The following DNAH3 variants were observed in gnomAD, a reference collection of about 807,000 sequenced individuals.
DNAH3 encodes the protein axonemal beta dynein heavy chain 3.
DNAH3 carries 332 observed loss-of-function variants against 432.5 expected under a neutral mutation model. The observed-to-expected ratio is 0.77, with a 90% CI of 0.70 to 0.84. The LOEUF (loss-of-function observed/expected upper bound fraction) is 0.84. DNAH3 is among the 40% of genes least tolerant of loss of function. The pLI, the probability that DNAH3 is intolerant of heterozygous loss-of-function variation, is 0.00. For synonymous variants in DNAH3, 1,956 were observed against 1,900.2 expected (o/e 1.03, Z -0.76); for missense variants, 4,861 against 5,114.0 (o/e 0.95, Z 1.51).
chr16:21,096,188 T>C (rs2091674269), intron 18 of DNAH3, among the ~76,000 whole-genome samples: 1 of 151,432 alleles, frequency 6.6e-6, no homozygotes, highest in Admixed American at 6.6e-5. Context: ...AGTTGGGGTG[T>C]AGTAAGCAGA....
chr16:20,988,594 C>T (rs566887777), intron 44 of DNAH3, among the ~76,000 whole-genome samples: 4 of 152,108 alleles, frequency 2.6e-5, no homozygotes, highest in Admixed American at 6.6e-5. Flanking sequence ...CATGAGACAC[C>T]GCGCCCAGCC....
intron 39 of DNAH3, among the ~76,000 whole-genome samples, chr16:21,022,443 T>C (rs1253940072): frequency 6.6e-6 from 1 of 152,178 alleles, no homozygotes; most frequent in Non-Finnish European, 1.5e-5. Context: ...CTATAAAAAG[T>C]ATTAGGAATT....
chr16:21,139,632 A>G (rs1346163119), intron 5 of DNAH3, among the ~76,000 whole-genome samples: 1 of 151,656 alleles, frequency 6.6e-6, no homozygotes, highest in Non-Finnish European at 1.5e-5. Flanking sequence ...GCATGGTACC[A>G]TACCCAGCTA....
chr16:20,960,782 ACTGGTCTGGAGC>A (rs1299719461), intron 53 of DNAH3, among the ~76,000 whole-genome samples: 1 of 152,230 alleles, frequency 6.6e-6, no homozygotes, highest in Admixed American at 6.5e-5. Flanking sequence ...GAAGCTCATA[ACTGGTCTGGAGC>A]CTGGATGGAA....
At chr16:21,009,938 G>GAGGGA (rs2087506726) in intron 41 of DNAH3, among the ~76,000 whole-genome samples, 2 of 136,728 alleles carry the variant, frequency 1.5e-5, no homozygotes, top group Non-Finnish European at 3.1e-5. Context: ...GAGGGGAGGG[G>GAGGGA]AGGAAAAGAA....
intron 18 of DNAH3, among the ~76,000 whole-genome samples, chr16:21,087,289 T>C (rs2091409582): frequency 6.6e-6 from 1 of 152,222 alleles, no homozygotes; most frequent in Admixed American, 6.5e-5. Context: ...ATGGATACCC[T>C]GGAAGGTGAT....
intron 16 of DNAH3, among the ~76,000 whole-genome samples, chr16:21,101,915 G>A (rs546099180): frequency 5.3e-5 from 8 of 152,238 alleles, no homozygotes; most frequent in South Asian, 2.1e-4. Context: ...GTGCAGAGCC[G>A]GAGGGTGGGG....
Position 21,135,508 on chromosome 16 carries a change from C to T in DNAH3, c.886+816G>A, listed in dbSNP as rs111700377. Among the ~76,000 whole-genome samples the T allele has an allele frequency of 4.9e-3, 753 of 152,242 alleles. 6 individuals carry two copies. The highest frequency in any genetic ancestry group is 0.016 in the African/African-American group (673 of 41,544). ...ATGAATTCGAGACCAGACTGGCCAACATGGCGAAACCTTGTCTCTACTAAA... is the reference window on the plus strand; with the variant it reads ...ATGAATTCGAGACCAGACTGGCCAATATGGCGAAACCTTGTCTCTACTAAA... On this transcript the variant is annotated intron_variant, in intron 6 of 61. Transcript: ENST00000261383.
intron 11 of DNAH3, among the ~76,000 whole-genome samples, chr16:21,120,419 C>A (rs2092310239): frequency 6.6e-6 from 1 of 152,110 alleles, no homozygotes; most frequent in African/African-American, 2.4e-5. Context: ...TTTTAAAATT[C>A]TTTTTAAACC....
At chr16:20,964,703 C>T (rs772057581) in exon 53 of DNAH3, 21 of 1,614,012 alleles carry the variant, frequency 1.3e-5, no homozygotes, top group African/African-American at 2.7e-5. Flanking sequence ...AAGGAGTCAA[C>T]GGGAAGCCCA....
chr16:21,069,346 G>T, intron 23 of DNAH3, 69 bp downstream of exon 23: 1 of 1,351,714 alleles, frequency 7.4e-7, no homozygotes, highest in Non-Finnish European at 1.0e-6. Flanking sequence ...CAAGGAAGGT[G>T]ACTAGAATGC....
At chr16:20,969,118 GTGTT>G (rs1306376010) in intron 52 of DNAH3, among the ~76,000 whole-genome samples, 3 of 132,066 alleles carry the variant, frequency 2.3e-5, no homozygotes, top group Admixed American at 1.5e-4. Context: ...GTGTGTGTGT[GTGTT>G]TCCCTGTCTC....
intron 14 of DNAH3, among the ~76,000 whole-genome samples, chr16:21,109,475 T>C (rs2092020862): frequency 1.3e-5 from 2 of 152,206 alleles, no homozygotes; most frequent in African/African-American, 4.8e-5. Context: ...ATTAATTTGC[T>C]GATGATTTTC....
At chr16:20,948,720 T>C in intron 56 of DNAH3, 83 bp from the exon 57 acceptor site, 1 of 1,471,694 alleles carries the variant, frequency 6.8e-7, no homozygotes, top group Admixed American at 1.8e-5. Context: ...ACGGCATTCT[T>C]CCGGCCAAAG....
Position 21,087,044 on chromosome 16 carries a change from CAGTA to C in DNAH3, c.2678_2681del (p.Leu893Ter). 6.2e-7 allele frequency: 1 copy of C among 1,613,884 alleles called. No homozygotes were observed. The highest frequency in any genetic ancestry group is 8.5e-7 in the Non-Finnish European group (1 of 1,179,926). The stretch of plus-strand genomic sequence containing the variant: ...TCTCCTCCGCAATTTGCTCAGCATT[CAGTA>C]AGAAGAGGGGTCCTGAAATAGAAGA... On this transcript the variant is annotated frameshift_variant, in exon 19 of 62. Coordinates refer to ENST00000261383, the Ensembl canonical transcript of DNAH3. LOFTEE classifies it high-confidence loss of function.
chr16:21,156,669 T>C (rs1190035273), intron 1 of DNAH3, among the ~76,000 whole-genome samples: 1 of 152,048 alleles, frequency 6.6e-6, no homozygotes, highest in African/African-American at 2.4e-5. Context: ...CAGCAAGTAA[T>C]TGGGAAAGCA....
At chr16:21,063,700 G>A (rs1273937825) in intron 24 of DNAH3, among the ~76,000 whole-genome samples, 8 of 151,684 alleles carry the variant, frequency 5.3e-5, no homozygotes, top group Admixed American at 3.3e-4. Flanking sequence ...ATGCCACCAC[G>A]CACGGCTAAT....
At chr16:20,978,677 G>C (rs2085711382) in intron 50 of DNAH3, among the ~76,000 whole-genome samples, 1 of 152,072 alleles carries the variant, frequency 6.6e-6, no homozygotes, top group Non-Finnish European at 1.5e-5. Flanking sequence ...GAGACTACAG[G>C]CACATGTCAC....
At chr16:21,151,273 G>A (rs1009502984) in intron 1 of DNAH3, among the ~76,000 whole-genome samples, 3 of 151,570 alleles carry the variant, frequency 2.0e-5, no homozygotes. Context: ...TGTACAGAGC[G>A]ATTTGCATAT....
Sources: gnomAD v4.1 joint callset for allele counts (sites outside exome capture counted in the v4.1 genomes callset) on GRCh38, gnomAD v4.1.1 for gene constraint, MANE v1.5 for transcripts, NCBI Gene and HGNC (gene_info 2026-07-23, HGNC 2026-07-21) for gene names.